RTN3: variants seen among roughly 807,000 people sequenced by gnomAD.
RTN3 encodes the protein reticulon 3, also known as reticulon-3.
RTN3 carries 49 observed loss-of-function variants against 77.8 expected under a neutral mutation model. That is an observed-to-expected ratio of 0.63 (90% CI 0.50 to 0.80). RTN3 has a LOEUF of 0.80. Ranked by LOEUF, RTN3 falls within the 30% of genes least tolerant of loss-of-function variation. The pLI is 0.00. For missense variants in RTN3, 1,236 were observed against 1,211.9 expected, an observed-to-expected ratio of 1.02 and a Z score of -0.29; for synonymous variants, 464 against 446.9, an observed-to-expected ratio of 1.04 and a Z score of -0.48.
rs759725236 is a variant in RTN3 at position 63,719,375 on chromosome 11, T to C, written c.873T>C (p.Asn291=). ...CATCCGAAGACATTTCAGAGACTAA[T>C]GACAAGCTTTTTCCACTGAGAAATA... ...KESSEDISET[N]DKLFPLRNKE... Residue 291 remains asparagine (N), a synonymous_variant, in exon 3 of 9, where the codon AAT becomes AAC. Transcript: ENST00000377819. The C allele has an allele frequency of 2.5e-6, 4 of 1,614,176 alleles. No homozygotes were observed. The highest frequency in any genetic ancestry group is 3.4e-6 in the Non-Finnish European group (4 of 1,180,026).
intron 8 of RTN3, 108 bp downstream of exon 8, chr11:63,756,278 G>A: frequency 1.4e-6 from 1 of 721,382 alleles, no homozygotes. Flanking sequence ...TTTTCATTTT[G>A]ATAAAAACCT....
chr11:63,700,066 A>C (rs1016064846), intron 1 of RTN3, among the ~76,000 whole-genome samples: 7 of 152,158 alleles, frequency 4.6e-5, no homozygotes, highest in Non-Finnish European at 8.8e-5. Context: ...TGCATGTTGA[A>C]ATTTTCCATT....
chr11:63,682,224 A>G (rs909807190), intron 1 of RTN3, among the ~76,000 whole-genome samples: 1 of 152,232 alleles, frequency 6.6e-6, no homozygotes, highest in Non-Finnish European at 1.5e-5. Context: ...AGGTTTGCAG[A>G]CAGGTGTTGA....
chr11:63,719,752 C>T lies in RTN3; in HGVS notation c.1250C>T (p.Thr417Ile), dbSNP rs966190287. 5 of 1,614,014 alleles carry T rather than the reference C, an allele frequency of 3.1e-6. No homozygotes were observed. The highest frequency in any genetic ancestry group is 4.2e-6 in the Non-Finnish European group (5 of 1,180,040). The change falls in exon 3 of 9, where the codon ACT (threonine) becomes ATT (isoleucine). Residue 417 changes from threonine (T) to isoleucine (I), a missense_variant. Physicochemically the swap from Thr to Ile is moderately conservative, Grantham distance 89. Around this residue, in one of 3 missense-constraint regions of RTN3, gnomAD observed 1,056 missense variants for 990.4 expected, o/e 1.07. Coordinates refer to ENST00000377819, the MANE Select transcript of RTN3 (RefSeq NM_001265589.2). ...EASLQQENAITGKPVPDSLNS... is the reference protein window; with the variant it reads ...EASLQQENAIIGKPVPDSLNS... ...TCTCTCCAGCAAGAAAATGCTATTACTGGAAAACCTGTACCTGACTCTTTG... is the reference window on the plus strand; with the variant it reads ...TCTCTCCAGCAAGAAAATGCTATTATTGGAAAACCTGTACCTGACTCTTTG...
chr11:63,690,181 G>A (rs557290609), intron 1 of RTN3, among the ~76,000 whole-genome samples: 2 of 152,252 alleles, frequency 1.3e-5, no homozygotes, highest in African/African-American at 4.8e-5. Context: ...TTGGTAGCTC[G>A]CCCTTCAAGA....
intron 1 of RTN3, among the ~76,000 whole-genome samples, chr11:63,686,890 A>G (rs992055938): frequency 7.9e-5 from 12 of 152,216 alleles, no homozygotes; most frequent in Non-Finnish European, 1.5e-4. Context: ...ACTACATTTT[A>G]TATGTTTGTT....
At chr11:63,740,304 C>T (rs891701885) in intron 3 of RTN3, among the ~76,000 whole-genome samples, 1 of 150,950 alleles carries the variant, frequency 6.6e-6, no homozygotes, top group Non-Finnish European at 1.5e-5. Flanking sequence ...TTTTTTGAGA[C>T]GGAGTCTCAC....
chr11:63,707,443 G>T (rs540751631), intron 2 of RTN3, among the ~76,000 whole-genome samples: 3 of 152,242 alleles, frequency 2.0e-5, no homozygotes, highest in Non-Finnish European at 4.4e-5. Flanking sequence ...ATTAGAATTT[G>T]CAAGACAGCA....
chr11:63,721,344 A>T (rs1200757597), intron 3 of RTN3, among the ~76,000 whole-genome samples: 1 of 151,952 alleles, frequency 6.6e-6, no homozygotes, highest in Non-Finnish European at 1.5e-5. Flanking sequence ...GGAGGCCGAG[A>T]CGGGCGGATC....
intron 1 of RTN3, among the ~76,000 whole-genome samples, chr11:63,683,943 C>CTTTCTTTTT (rs1941205003): frequency 1.7e-5 from 1 of 58,952 alleles, no homozygotes; most frequent in African/African-American, 7.5e-5. Flanking sequence ...TCTTTTCTTT[C>CTTTCTTTTT]TTTTTTTTTT....
rs2014530378 is a variant in RTN3 at position 63,758,999 on chromosome 11, C to CAGA, written c.*798_*799insAGA. ...TCCCGAATGTGCTTTCCTCCCTCTC[C>CAGA]CCTGCCCACCTCAAGTTTAATAAAT... On this transcript the variant is annotated 3_prime_UTR_variant, in exon 9 of 9. Transcript: ENST00000377819. 1 of 152,190 alleles carries CAGA rather than the reference C, an allele frequency of 6.6e-6. No homozygotes were observed. The highest frequency in any genetic ancestry group is 6.5e-5 in the Admixed American group (1 of 15,270). The allele number at this position is 152,190 out of a possible 1,614,324, so 9.4% of individuals were successfully genotyped here.
intron 3 of RTN3, among the ~76,000 whole-genome samples, chr11:63,731,744 C>G (rs1056239376): frequency 6.6e-6 from 1 of 152,202 alleles, no homozygotes; most frequent in East Asian, 1.9e-4. Flanking sequence ...CCTCTGCCTC[C>G]CGGGTTCAAA....
intron 1 of RTN3, among the ~76,000 whole-genome samples, chr11:63,699,980 T>G (rs1421484032): frequency 6.6e-6 from 1 of 152,180 alleles, no homozygotes; most frequent in Non-Finnish European, 1.5e-5. Flanking sequence ...ACAATGTGGT[T>G]TTGTAAGTTA....
chr11:63,715,898 G>T (rs2011369370), intron 2 of RTN3, among the ~76,000 whole-genome samples: 1 of 152,188 alleles, frequency 6.6e-6, no homozygotes. Flanking sequence ...TCACACTTCA[G>T]ATTTTTGAAC....
intron 1 of RTN3, among the ~76,000 whole-genome samples, chr11:63,700,862 C>T (rs1165648713): frequency 2.6e-5 from 4 of 151,848 alleles, no homozygotes; most frequent in South Asian, 4.2e-4. Flanking sequence ...GAGGCTGAGG[C>T]GTGCGGATCA....
At chr11:63,701,112 A>G (rs1942218071) in intron 1 of RTN3, among the ~76,000 whole-genome samples, 1 of 150,196 alleles carries the variant, frequency 6.7e-6, no homozygotes, top group Admixed American at 6.6e-5. Context: ...AAGAATTTTC[A>G]GCTTTTAGTG....
At chr11:63,711,780 T>C (rs1387737791) in intron 2 of RTN3, among the ~76,000 whole-genome samples, 1 of 152,166 alleles carries the variant, frequency 6.6e-6, no homozygotes, top group African/African-American at 2.4e-5. Context: ...GTCAGGCTGG[T>C]CTCGAGATCC....
At chr11:63,700,969 A>G (rs1282771030) in intron 1 of RTN3, among the ~76,000 whole-genome samples, 2 of 151,768 alleles carry the variant, frequency 1.3e-5, no homozygotes, top group Non-Finnish European at 2.9e-5. Context: ...GCGCGCCTGT[A>G]GTCCCAGCTA....
intron 2 of RTN3, 108 bp from the exon 3 acceptor site, chr11:63,718,594 A>G (rs935774064): frequency 7.5e-6 from 5 of 670,656 alleles, no homozygotes; most frequent in African/African-American, 7.3e-5. Flanking sequence ...GTGTGTGTAT[A>G]TATATATTTA....
Sources: allele counts gnomAD v4.1 joint callset (sites outside exome capture counted in the v4.1 genomes callset), GRCh38; gene constraint gnomAD v4.1.1; regional missense constraint gnomAD v4.1.1; transcripts MANE v1.5; gene names NCBI Gene and HGNC (gene_info 2026-07-23, HGNC 2026-07-21).